Variants in ERBB4 observed in about 807,000 individuals in gnomAD.
ERBB4 encodes erb-b2 receptor tyrosine kinase 4, also known as receptor tyrosine-protein kinase erbB-4.
A neutral mutation model predicts 158.0 loss-of-function variants in ERBB4; 42 were observed. That is an observed-to-expected ratio of 0.27 (90% CI 0.21 to 0.34). The LOEUF (loss-of-function observed/expected upper bound fraction) is 0.34. Among genes scored for constraint, ERBB4 ranks in the 10% least tolerant of loss-of-function variants. ERBB4 has a pLI of 1.00. For missense variants in ERBB4, 1,333 were observed against 1,624.1 expected, an observed-to-expected ratio of 0.82 and a Z score of 3.08; for synonymous variants, 583 against 558.7, an observed-to-expected ratio of 1.04 and a Z score of -0.61.
chr2:212,430,103 A>C (rs2091994335), intron 1 of ERBB4, among the ~76,000 whole-genome samples: 1 of 152,222 alleles, frequency 6.6e-6, no homozygotes, highest in African/African-American at 2.4e-5. Context: ...AAGAAAATAA[A>C]TAATGCTTAT....
chr2:212,385,116 C>T (rs1332337956), intron 1 of ERBB4, among the ~76,000 whole-genome samples: 9 of 151,440 alleles, frequency 5.9e-5, no homozygotes, highest in Admixed American at 4.0e-4. Context: ...TGCAAATAAA[C>T]GGCTTAAGAA....
chr2:212,194,629 T>C (rs893858694), intron 1 of ERBB4, among the ~76,000 whole-genome samples: 14 of 152,040 alleles, frequency 9.2e-5, no homozygotes, highest in African/African-American at 3.4e-4. Context: ...TGAGTCATAA[T>C]TGCACAGATC....
intron 1 of ERBB4, among the ~76,000 whole-genome samples, chr2:212,405,372 T>A (rs1165509350): frequency 2.0e-5 from 3 of 152,042 alleles, no homozygotes; most frequent in African/African-American, 4.8e-5. Context: ...AGGGAACACT[T>A]ATATACCGTT....
chr2:211,726,948 A>C (rs1253029012), intron 5 of ERBB4, among the ~76,000 whole-genome samples: 2 of 152,182 alleles, frequency 1.3e-5, no homozygotes, highest in Non-Finnish European at 2.9e-5. Context: ...CTTGCAATTA[A>C]GTTGTGATTC....
intron 1 of ERBB4, among the ~76,000 whole-genome samples, chr2:212,177,441 CT>C (rs2081705835): frequency 6.6e-6 from 1 of 151,936 alleles, no homozygotes; most frequent in African/African-American, 2.4e-5. Flanking sequence ...AATAATAATT[CT>C]GAAATAATCT....
At chr2:212,196,043 TG>T in intron 1 of ERBB4, among the ~76,000 whole-genome samples, 1 of 152,238 alleles carries the variant, frequency 6.6e-6, no homozygotes, top group East Asian at 1.9e-4. Flanking sequence ...AATGTGCAGT[TG>T]ACCCTAGAAC....
intron 2 of ERBB4, among the ~76,000 whole-genome samples, chr2:211,993,535 G>A (rs1272097902): frequency 2.0e-5 from 3 of 151,440 alleles, no homozygotes; most frequent in Non-Finnish European, 4.4e-5. Flanking sequence ...GGATGACAAC[G>A]TTATCACCCC....
At chr2:212,245,984 C>A (rs189502010) in intron 1 of ERBB4, among the ~76,000 whole-genome samples, 15 of 152,210 alleles carry the variant, frequency 9.9e-5, no homozygotes, top group Non-Finnish European at 1.9e-4. Flanking sequence ...CATCCTGAGT[C>A]AACAGGCTTT....
intron 3 of ERBB4, among the ~76,000 whole-genome samples, chr2:211,876,888 T>G (rs1402676041): frequency 6.6e-6 from 1 of 152,206 alleles, no homozygotes; most frequent in African/African-American, 2.4e-5. Context: ...TTAAACAGTA[T>G]TAAATGAAAA....
chr2:211,640,474 G>C (rs183687726), intron 16 of ERBB4, among the ~76,000 whole-genome samples: 3 of 152,260 alleles, frequency 2.0e-5, no homozygotes, highest in East Asian at 3.9e-4. Context: ...CCTTTTCCTA[G>C]ATATTTTATA....
chr2:211,884,554 C>T (rs2078745319), intron 3 of ERBB4, among the ~76,000 whole-genome samples: 1 of 152,200 alleles, frequency 6.6e-6, no homozygotes, highest in African/African-American at 2.4e-5. Context: ...AAAGGGCCAT[C>T]CTACCCATAA....
chr2:211,660,265 G>T (rs1235435836), intron 15 of ERBB4, among the ~76,000 whole-genome samples: 1 of 152,218 alleles, frequency 6.6e-6, no homozygotes, highest in Non-Finnish European at 1.5e-5. Context: ...ATACTAGTCA[G>T]CTGGCAGCCA....
At chr2:212,414,849 A>C (rs111731299) in intron 1 of ERBB4, among the ~76,000 whole-genome samples, 1 of 152,190 alleles carries the variant, frequency 6.6e-6, no homozygotes. Context: ...CTAATGATGT[A>C]GTTGTTGTCA....
chr2:212,202,991 T>C (rs1341136259), intron 1 of ERBB4, among the ~76,000 whole-genome samples: 1 of 151,704 alleles, frequency 6.6e-6, no homozygotes, highest in Non-Finnish European at 1.5e-5. Context: ...ATATAACTTA[T>C]TTTATTTACA....
chr2:212,192,008 A>ATGTTATATATTATATGT (rs1559707035), intron 1 of ERBB4, among the ~76,000 whole-genome samples: 7 of 65,950 alleles, frequency 1.1e-4, no homozygotes, highest in Non-Finnish European at 2.8e-4. Context: ...GTTATATATA[A>ATGTTATATATTATATGT]TATATGTTAT....
At chr2:212,189,818 A>G (rs1207755014) in intron 1 of ERBB4, among the ~76,000 whole-genome samples, 1 of 152,208 alleles carries the variant, frequency 6.6e-6, no homozygotes, top group African/African-American at 2.4e-5. Flanking sequence ...TCTAACCTCC[A>G]TATTTTACAT....
intron 3 of ERBB4, among the ~76,000 whole-genome samples, chr2:211,910,642 G>A (rs766726140): frequency 4.6e-5 from 7 of 151,848 alleles, no homozygotes; most frequent in Non-Finnish European, 1.0e-4. Flanking sequence ...TTAATACCCA[G>A]GTGATGAGAT....
At chr2:212,286,482 A>G (rs1383016638) in intron 1 of ERBB4, among the ~76,000 whole-genome samples, 5 of 152,014 alleles carry the variant, frequency 3.3e-5, no homozygotes, top group Non-Finnish European at 5.9e-5. Context: ...CATATAAAAT[A>G]TAAATATAGA....
At chr2:212,461,418 C>T (rs1490287340) in intron 1 of ERBB4, among the ~76,000 whole-genome samples, 2 of 152,110 alleles carry the variant, frequency 1.3e-5, no homozygotes, top group Non-Finnish European at 2.9e-5. Flanking sequence ...GCTTTGTCTG[C>T]CCCACTGGAT....
Sources: gnomAD v4.1 joint callset for allele counts (sites outside exome capture counted in the v4.1 genomes callset) on GRCh38, gnomAD v4.1.1 for gene constraint, MANE v1.5 for transcripts, NCBI Gene and HGNC (gene_info 2026-07-23, HGNC 2026-07-21) for gene names.